The following CTDSP1 variants were observed in gnomAD, a reference collection of about 807,000 sequenced individuals.
CTDSP1 encodes CTD small phosphatase 1, also known as carboxy-terminal domain RNA polymerase II polypeptide A small phosphatase 1.
Under a neutral mutation model 32.5 loss-of-function variants are expected in CTDSP1, and 15 were observed. The ratio of observed to expected loss-of-function variants is 0.46; its 90% CI spans 0.31 to 0.71. The LOEUF (loss-of-function observed/expected upper bound fraction) is 0.71. CTDSP1 is among the 30% of genes least tolerant of loss of function. The pLI is 0.05. For synonymous variants in CTDSP1, 185 were observed against 145.4 expected (o/e 1.27, Z -1.96); for missense variants, 294 against 351.1 (o/e 0.84, Z 1.30).
chr2:218,403,963 G>A (rs1697286128), intron 6 of CTDSP1, among the ~76,000 whole-genome samples: 1 of 152,184 alleles, frequency 6.6e-6, no homozygotes, highest in African/African-American at 2.4e-5. Flanking sequence ...AGAAGGCTGA[G>A]GTAGGAGTAT....
chr2:218,403,553 G>C, intron 6 of CTDSP1, 136 bp downstream of exon 6: 1 of 730,566 alleles, frequency 1.4e-6, no homozygotes, highest in Non-Finnish European at 2.2e-6. Flanking sequence ...TTCATTGCCT[G>C]TGCCTGCCGC....
rs549801698 is a variant in CTDSP1, at chr2:218,405,893, G to A, written c.*1468G>A. 1.2e-4 allele frequency: 19 copies of A among 153,062 alleles called. No homozygotes were observed. Among genetic ancestry groups the A allele is most frequent in the Admixed American group, 1.0e-3 (16 of 15,306 alleles). The allele number at this position is 153,062 out of a possible 1,614,324, so 9.5% of individuals were successfully genotyped here. On this transcript the variant is annotated 3_prime_UTR_variant, in exon 7 of 7. Transcript: ENST00000273062. Reference sequence around the variant, plus strand: ...CTTCCCATTTAAGTGCCTTCTCTGTGACTGAGAGCCCTAGTGTGATGAGAA... The same window carrying A: ...CTTCCCATTTAAGTGCCTTCTCTGTAACTGAGAGCCCTAGTGTGATGAGAA...
intron 1 of CTDSP1, chr2:218,400,641 A>C: frequency 2.3e-6 from 1 of 427,616 alleles, no homozygotes. Context: ...TCCCGCCAAC[A>C]CACAGCTACG....
chr2:218,400,699 G>A (rs1287882000), intron 1 of CTDSP1: 5 of 455,548 alleles, frequency 1.1e-5, no homozygotes, highest in Non-Finnish European at 1.8e-5. Flanking sequence ...CCCCCTCGGA[G>A]GCACAGAGAG....
At chr2:218,398,417 T>C, upstream of CTDSP1, 1 of 1,535,138 alleles carries the variant, frequency 6.5e-7, no homozygotes, top group Non-Finnish European at 8.7e-7. Context: ...AGCGCAATGG[T>C]GGCCGCCCCG....
Position 218,399,977 on chromosome 2 carries a change from G to A in CTDSP1, c.-114G>A, listed in dbSNP as rs1415547613. The A allele has an allele frequency of 3.5e-6, 4 of 1,143,730 alleles. No homozygotes were observed. The highest frequency in any genetic ancestry group is 3.3e-6 in the Non-Finnish European group (3 of 909,104). 70.8% of individuals were successfully genotyped at this position (1,143,730 alleles called of 1,614,324 possible). A position where few individuals can be genotyped will look rare whatever the true frequency, so the allele number is the denominator to read the frequency against. On this transcript the variant is annotated 5_prime_UTR_variant, in exon 1 of 7. Coordinates refer to ENST00000273062, the MANE Select transcript of CTDSP1 (RefSeq NM_021198.3). ...CTCCCCTCCCCTCCGGAGCTCGCGG[G>A]GATCCCTCCCTCCCACCCCTCCCCT...
upstream of CTDSP1, chr2:218,396,605 G>C (rs1238653754): frequency 1.3e-5 from 2 of 152,576 alleles, no homozygotes; most frequent in Non-Finnish European, 2.9e-5. Flanking sequence ...GATGGGACCG[G>C]TCTGGTGCGA....
At chr2:218,399,842 T>C (rs1697012391), upstream of CTDSP1, 1 of 1,214,474 alleles carries the variant, frequency 8.2e-7, no homozygotes, top group Non-Finnish European at 1.0e-6. Context: ...GGGGGAGCCT[T>C]GAAACGGCGC....
chr2:218,398,443 CAGG>C (rs886400697), upstream of CTDSP1: 15 of 1,534,196 alleles, frequency 9.8e-6, no homozygotes, highest in East Asian at 2.5e-5. Flanking sequence ...TACCCAGGAG[CAGG>C]AGGAGGGCCG....
At chr2:218,399,509 G>A (rs1010225535), upstream of CTDSP1, 2 of 152,920 alleles carry the variant, frequency 1.3e-5, no homozygotes, top group Non-Finnish European at 2.9e-5. Context: ...CGAGGAAACC[G>A]AGAAGCCTCT....
At chr2:218,397,924 G>C (rs1696904405), upstream of CTDSP1, among the ~76,000 whole-genome samples, 2 of 152,322 alleles carry the variant, frequency 1.3e-5, no homozygotes. Flanking sequence ...CACGGGCAAC[G>C]GCTTGAAGTG....
In CTDSP1 at chr2:218,405,548, C is replaced by T; in HGVS notation, c.*1123C>T. On this transcript the variant is annotated 3_prime_UTR_variant, in exon 7 of 7. Coordinates refer to ENST00000273062, the MANE Select transcript of CTDSP1 (RefSeq NM_021198.3). Reference sequence around the variant, plus strand: ...GGGGATCTGTAGGAGGTGGGACCTTCTGTGGGGTTTGGGGATCTCCAGGAA... The same window carrying T: ...GGGGATCTGTAGGAGGTGGGACCTTTTGTGGGGTTTGGGGATCTCCAGGAA... 6.5e-6 allele frequency: 1 copy of T among 153,154 alleles called. No individual in the cohort carries two copies. Among genetic ancestry groups the T allele is most frequent in the East Asian group, 1.9e-4 (1 of 5,340 alleles). 9.5% of individuals were successfully genotyped at this position (153,154 alleles called of 1,614,324 possible).
chr2:218,400,137 G>C lies in CTDSP1; in HGVS notation c.47G>C (p.Arg16Pro). 2.6e-6 allele frequency: 4 copies of C among 1,545,440 alleles called. No homozygotes were observed. Among genetic ancestry groups the C allele is most frequent in the South Asian group, 2.4e-5 (2 of 83,696 alleles). ...ACTCAGATCAGCAAGGAGGAGGCTC[G>C]GGGCCCGCTGCGGGGCAAAGGTACC... Reference protein sequence around the residue: ...VITQISKEEARGPLRGKGDQK... With the variant: ...VITQISKEEAPGPLRGKGDQK... Residue 16 changes from arginine to proline, a missense_variant, in exon 1 of 7, where the codon CGG becomes CCG. Physicochemically the swap from Arg to Pro is moderately radical, Grantham distance 103 (BLOSUM62 -2). Around this residue, in one of 2 missense-constraint regions of CTDSP1, gnomAD observed 148 missense variants for 113.3 expected, o/e 1.31. Transcript: ENST00000273062.
upstream of CTDSP1, among the ~76,000 whole-genome samples, chr2:218,397,832 G>C (rs1291094842): frequency 6.6e-6 from 1 of 152,126 alleles, no homozygotes; most frequent in African/African-American, 2.4e-5. Flanking sequence ...GATAAGTCCA[G>C]GGCTCCAGGC....
At chr2:218,402,594 G>GTGGGCTCCTCCTC (rs1697207182) in intron 4 of CTDSP1, 189 bp downstream of exon 4, 1 of 760,876 alleles carries the variant, frequency 1.3e-6, no homozygotes, top group Non-Finnish European at 2.4e-6. Flanking sequence ...AGCCTGCAGA[G>GTGGGCTCCTCCTC]TGGGCTCCTC....
Position 218,401,561 on chromosome 2 carries a change from C to A in CTDSP1, c.68-3C>A, listed in dbSNP as rs768811153. ...GCCTCCAACTTGTGCCTCCCTACTT[C>A]AGGTGACCAGAAGTCAGCAGCTTCC... On this transcript the variant is annotated splice_region_variant and splice_polypyrimidine_tract_variant and intron_variant, in intron 1 of 6. Transcript: ENST00000273062. 12 of 1,613,820 alleles carry A rather than the reference C, an allele frequency of 7.4e-6. No homozygotes were observed. The East Asian group carries it at 2.0e-4, about 27-fold the overall frequency.
At chr2:218,399,851 G>T, upstream of CTDSP1, 1 of 1,226,880 alleles carries the variant, frequency 8.2e-7, no homozygotes, top group Non-Finnish European at 1.0e-6. Context: ...TTGAAACGGC[G>T]CCTGGGTTCC....
upstream of CTDSP1, chr2:218,398,713 G>A (rs1048445430): frequency 2.8e-5 from 9 of 320,002 alleles, no homozygotes; most frequent in African/African-American, 2.0e-4. Context: ...GCGGGAGAGG[G>A]GGAGGGGAGG....
chr2:218,398,686 C>T (rs557326742), upstream of CTDSP1: 1 of 335,416 alleles, frequency 3.0e-6, no homozygotes, highest in Non-Finnish European at 5.4e-6. Context: ...GCCCGCCCCG[C>T]CCCGCCACGG....
Sources: allele counts gnomAD v4.1 joint callset (sites outside exome capture counted in the v4.1 genomes callset), GRCh38; gene constraint gnomAD v4.1.1; regional missense constraint gnomAD v4.1.1; transcripts MANE v1.5; gene names NCBI Gene and HGNC (gene_info 2026-07-23, HGNC 2026-07-21).